The following RPH3AL variants were observed in gnomAD, a reference collection of about 807,000 sequenced individuals.
RPH3AL encodes rabphilin 3A like (without C2 domains).
A neutral mutation model predicts 43.1 loss-of-function variants in RPH3AL; 38 were observed. The observed-to-expected ratio is 0.88, with a 90% CI of 0.68 to 1.15. The LOEUF (loss-of-function observed/expected upper bound fraction) is 1.15, where lower values mean the gene tolerates loss of function less well. RPH3AL is among the 50% of genes most tolerant of loss of function. The probability of loss-of-function intolerance (pLI) is 0.00; values close to 1 mark genes in which losing one functional copy is unlikely to be tolerated. For missense variants in RPH3AL, 462 were observed against 423.2 expected (o/e 1.09, Z -0.81); for synonymous variants, 189 against 176.3 (o/e 1.07, Z -0.57).
chr17:263,463 G>A (rs566075873), intron 6 of RPH3AL, among the ~76,000 whole-genome samples: 81 of 152,304 alleles, frequency 5.3e-4, no homozygotes, highest in African/African-American at 6.7e-4. Context: ...AGGCAGCAGC[G>A]GGTGACGCGG....
intron 6 of RPH3AL, among the ~76,000 whole-genome samples, chr17:249,500 A>AC (rs1597931381): frequency 6.6e-6 from 1 of 151,444 alleles, no homozygotes; most frequent in Non-Finnish European, 1.5e-5. Flanking sequence ...CACCACCGCC[A>AC]CCCCCCTCCT....
intron 5 of RPH3AL, among the ~76,000 whole-genome samples, chr17:318,009 G>T (rs1284370048): frequency 2.0e-5 from 3 of 148,280 alleles, no homozygotes; most frequent in Admixed American, 1.4e-4. Flanking sequence ...ATCATTACTT[G>T]TTTTTTAGTT....
In RPH3AL at chr17:215,031, G is replaced by A. The variant is rs1242435911; in HGVS notation, c.876+623C>T. On this transcript the variant is annotated intron_variant, in intron 9 of 9. Transcript: ENST00000331302. The surrounding 1 kb of genome is among the most constrained non-coding windows in gnomAD (Gnocchi z 4.1). ...AGGCGTTCCTGTGGGTGGCTGCCGG[G>A]TGCCCTCCACACCCCGGGGACGGAG... Among the ~76,000 whole-genome samples, 1 of 152,206 alleles carries A rather than the reference G, an allele frequency of 6.6e-6. No individual in the cohort carries two copies. The highest frequency in any genetic ancestry group is 6.5e-5 in the Admixed American group (1 of 15,280).
intron 6 of RPH3AL, among the ~76,000 whole-genome samples, chr17:278,287 G>A (rs770075700): frequency 3.3e-5 from 5 of 152,036 alleles, no homozygotes; most frequent in South Asian, 2.1e-4. Context: ...CGTGCCTTTC[G>A]CCTTCCGCCG....
chr17:307,921 C>T (rs1385114140), intron 5 of RPH3AL, among the ~76,000 whole-genome samples: 7 of 152,200 alleles, frequency 4.6e-5, no homozygotes, highest in East Asian at 1.9e-4. Flanking sequence ...TCCAAGATGC[C>T]GTGCGGTGTC....
chr17:314,198 C>T (rs1243584524), intron 5 of RPH3AL, among the ~76,000 whole-genome samples: 2 of 152,172 alleles, frequency 1.3e-5, no homozygotes, highest in Non-Finnish European at 2.9e-5. Context: ...GGGAAGTGGG[C>T]CAGGATCTGT....
At position 258,795 on chromosome 17, in the gene RPH3AL, C is replaced by G. The variant is rs1394998229; in HGVS notation, c.439-11510G>C. On this transcript the variant is annotated intron_variant, in intron 6 of 9. Transcript: ENST00000331302. ...TTTTTTTTTGAGACAGGGTCTCACT[C>G]TGTTGCCCAGGCTGGAGTGCAATGG... is the stretch of plus-strand genomic sequence containing the variant. 2.1e-5 allele frequency among the ~76,000 whole-genome samples: 3 copies of G among 140,300 alleles called. No individual in the cohort carries two copies. In the Admixed American group the frequency reaches 2.2e-4, roughly 10 times the overall value. The allele number at this position is 140,300 out of a possible 152,430, so 92.0% of individuals were successfully genotyped here. A position where few individuals can be genotyped will look rare whatever the true frequency, so the allele number is the denominator to read the frequency against.
At chr17:318,382 T>TG (rs966894145) in intron 5 of RPH3AL, among the ~76,000 whole-genome samples, 177 of 152,044 alleles carry the variant, frequency 1.2e-3, no homozygotes, top group African/African-American at 3.8e-3. Flanking sequence ...ACTCCGTCTC[T>TG]GGGGGTGGAA....
chr17:317,351 T>C (rs1229409802), intron 5 of RPH3AL, among the ~76,000 whole-genome samples: 1 of 149,232 alleles, frequency 6.7e-6, no homozygotes, highest in Non-Finnish European at 1.5e-5. Flanking sequence ...CTGAAGTCCC[T>C]GTGCCCCCAC....
At chr17:298,404 T>C (rs1431431185) in intron 5 of RPH3AL, among the ~76,000 whole-genome samples, 1 of 152,120 alleles carries the variant, frequency 6.6e-6, no homozygotes, top group Non-Finnish European at 1.5e-5. Context: ...CAGTCAACAG[T>C]CTCCAAGCCA....
At chr17:344,418 TCATCATCACCATCACCACCATCAGA>T (rs2045198091) in intron 1 of RPH3AL, among the ~76,000 whole-genome samples, 1 of 129,720 alleles carries the variant, frequency 7.7e-6, no homozygotes, top group Admixed American at 7.4e-5. Flanking sequence ...ATCACCCACA[TCATCATCACCATCACCACCATCAGA>T]CATCATCACC....
rs896894429 is a variant in RPH3AL, at chr17:311,687, C to T, written c.351+7733G>A. On this transcript the variant is annotated intron_variant, in intron 5 of 9. Transcript: ENST00000331302. The stretch of plus-strand genomic sequence containing the variant: ...GAGTAACGAGACAATTATAACGAGA[C>T]ATTTATACGAGCACAAAGACTGAGG... 5.9e-5 allele frequency among the ~76,000 whole-genome samples: 9 copies of T among 152,234 alleles called. No homozygotes were observed. The East Asian group carries it at 1.2e-3, about 20-fold the overall frequency.
intron 5 of RPH3AL, among the ~76,000 whole-genome samples, chr17:317,252 T>C (rs74209886): frequency 6.7e-6 from 1 of 150,056 alleles, no homozygotes; most frequent in Non-Finnish European, 1.5e-5. Flanking sequence ...TCCATTGACC[T>C]GCAGTCCCTG....
rs983629507 is a variant in RPH3AL at position 212,494 on chromosome 17, G to A, written c.*1358C>T. On this transcript the variant is annotated 3_prime_UTR_variant, in exon 10 of 10. Coordinates refer to ENST00000331302, the MANE Select transcript of RPH3AL (RefSeq NM_006987.4). ...TGGTCTTCGATCAACACACTGGCTC[G>A]GTGCAAATTTTAATCTTCATTGTTT... 6.6e-6 allele frequency: 1 copy of A among 152,046 alleles called. No individual in the cohort carries two copies. Among genetic ancestry groups the A allele is most frequent in the Non-Finnish European group, 1.5e-5 (1 of 68,026 alleles). The allele number at this position is 152,046 out of a possible 1,614,324, so 9.4% of individuals were successfully genotyped here.
intron 7 of RPH3AL, among the ~76,000 whole-genome samples, chr17:231,558 G>A (rs78505049): frequency 0.073 from 11,178 of 152,326 alleles, 492 homozygotes; most frequent in African/African-American, 0.091. Context: ...GAATCAGATG[G>A]GGCAGAGAGG....
chr17:332,228 G>A (rs577538183), intron 2 of RPH3AL: 8 of 299,896 alleles, frequency 2.7e-5, no homozygotes, highest in Non-Finnish European at 5.2e-5. Context: ...GGCCAGGTCT[G>A]TCTCTGAGGT....
chr17:321,524 T>C, intron 3 of RPH3AL, 109 bp from the exon 4 acceptor site: 1 of 1,260,582 alleles, frequency 7.9e-7, no homozygotes, highest in Non-Finnish European at 1.0e-6. Flanking sequence ...ACGGCCCAGG[T>C]GCCGCGTGCC....
chr17:333,089 C>T lies in RPH3AL; in HGVS notation c.-37+670G>A. On this transcript the variant is annotated intron_variant, in intron 2 of 9. Coordinates refer to ENST00000331302, the MANE Select transcript of RPH3AL (RefSeq NM_006987.4). The surrounding 1 kb of genome is among the most constrained non-coding windows in gnomAD (Gnocchi z 4.5). The stretch of plus-strand genomic sequence containing the variant: ...AATTCTCTCTCTAAAGTCGAGAGCT[C>T]ACCACCCCGGGCGTTCGTCACTGCA... 3.1e-6 allele frequency: 4 copies of T among 1,287,644 alleles called. No individual in the cohort carries two copies. The highest frequency in any genetic ancestry group is 2.1e-4 in the Middle Eastern group (1 of 4,690). 79.8% of individuals were successfully genotyped at this position (1,287,644 alleles called of 1,614,324 possible).
chr17:335,405 C>G (rs1232131255), intron 1 of RPH3AL, among the ~76,000 whole-genome samples: 2 of 152,068 alleles, frequency 1.3e-5, no homozygotes, highest in Non-Finnish European at 2.9e-5. Context: ...AGTGCATTTT[C>G]CACACCAGGG....
Sources: gnomAD v4.1 joint callset for allele counts (sites outside exome capture counted in the v4.1 genomes callset) on GRCh38, gnomAD v4.1.1 for gene constraint, Gnocchi (gnomAD v3.1) non-coding constraint, MANE v1.5 for transcripts, NCBI Gene and HGNC (gene_info 2026-07-23, HGNC 2026-07-21) for gene names.